The following AFF1 variants were observed in gnomAD, a reference collection of about 807,000 sequenced individuals.
AFF1 encodes AF4/FMR2 family member 1.
Under a neutral mutation model 121.7 loss-of-function variants are expected in AFF1, and 48 were observed. That is an observed-to-expected ratio of 0.39 (90% confidence interval 0.31 to 0.50). The LOEUF (loss-of-function observed/expected upper bound fraction) is 0.50. AFF1 is among the 20% of genes least tolerant of loss of function. The pLI is 0.76. For missense variants in AFF1, 1,523 were observed against 1,511.7 expected (o/e 1.01, Z -0.12); for synonymous variants, 613 against 563.0 (o/e 1.09, Z -1.26).
intron 2 of AFF1, among the ~76,000 whole-genome samples, chr4:86,993,052 C>T (rs980522644): frequency 6.6e-6 from 1 of 152,096 alleles, no homozygotes; most frequent in Non-Finnish European, 1.5e-5. Flanking sequence ...TTTTAATCTT[C>T]CTGTTTTACA....
chr4:87,134,840 CAA>C (rs1285857088), intron 20 of AFF1, 146 bp downstream of exon 20: 9 of 801,538 alleles, frequency 1.1e-5, no homozygotes, highest in Non-Finnish European at 1.7e-5. Context: ...TATTCTGCCT[CAA>C]AACCTAGTTG....
Position 87,135,785 on chromosome 4 carries a change from A to C in AFF1, c.*84A>C. 1 of 1,457,890 alleles carries C rather than the reference A, an allele frequency of 6.9e-7. No homozygotes were observed. The highest frequency in any genetic ancestry group is 9.1e-7 in the Non-Finnish European group (1 of 1,098,528). 90.3% of individuals were successfully genotyped at this position (1,457,890 alleles called of 1,614,324 possible). On this transcript the variant is annotated 3_prime_UTR_variant, in exon 21 of 21. Coordinates refer to ENST00000395146, the MANE Select transcript of AFF1 (RefSeq NM_001166693.3). Reference sequence around the variant, plus strand: ...AAACAGTCCAGACATTTGTTTCATCAGGACACCAAACTCTAAAAAAGAAGC... The same window carrying C: ...AAACAGTCCAGACATTTGTTTCATCCGGACACCAAACTCTAAAAAAGAAGC...
At chr4:86,992,146 T>TGCA (rs1373193776) in intron 2 of AFF1, among the ~76,000 whole-genome samples, 1 of 152,138 alleles carries the variant, frequency 6.6e-6, no homozygotes, top group Non-Finnish European at 1.5e-5. Context: ...AGAGAGGCTG[T>TGCA]GCAGCATAGT....
chr4:87,021,523 C>G (rs1727897071), intron 2 of AFF1, among the ~76,000 whole-genome samples: 1 of 152,184 alleles, frequency 6.6e-6, no homozygotes, highest in Non-Finnish European at 1.5e-5. Flanking sequence ...TTCACAGTAT[C>G]ATTGTTTCTG....
chr4:87,134,706 G>C lies in AFF1; in HGVS notation c.3535+12G>C, dbSNP rs1729154180. 1.3e-6 allele frequency: 2 copies of C among 1,599,356 alleles called. No individual in the cohort carries two copies. The highest frequency in any genetic ancestry group is 1.7e-6 in the Non-Finnish European group (2 of 1,168,354). Reference sequence around the variant, plus strand: ...GAGGAAGAATAAAGGTAAATAAATGGCTTTGTGGTGGTAATTACTGGGGTG... The same window carrying C: ...GAGGAAGAATAAAGGTAAATAAATGCCTTTGTGGTGGTAATTACTGGGGTG... On this transcript the variant is annotated intron_variant, in intron 20 of 20. Transcript: ENST00000395146.
At chr4:86,989,853 A>G (rs977281522) in intron 2 of AFF1, among the ~76,000 whole-genome samples, 21 of 152,226 alleles carry the variant, frequency 1.4e-4, no homozygotes, top group African/African-American at 4.8e-4. Context: ...GACATAAAAA[A>G]GGATCAGTTC....
At chr4:86,946,681 G>T (rs1304388950) in intron 1 of AFF1, among the ~76,000 whole-genome samples, 4 of 151,956 alleles carry the variant, frequency 2.6e-5, no homozygotes, top group Non-Finnish European at 2.9e-5. Context: ...TGCACACCCG[G>T]CCCACTCTCT....
At position 87,115,122 on chromosome 4, in the gene AFF1, T is replaced by C; in HGVS notation, c.2289T>C (p.Pro763=). ...TGCTCTCACCGCTCAGGGACACTCC[T>C]CCCCCACAAAGCTTGATGGTGAAGA... ...TKLLSPLRDT[P]PPQSLMVKIT... Residue 763 remains proline, a synonymous_variant, in exon 12 of 21, where the codon CCT becomes CCC. Transcript: ENST00000395146. The C allele has an allele frequency of 6.2e-7, 1 of 1,613,670 alleles. No homozygotes were observed. The highest frequency in any genetic ancestry group is 8.5e-7 in the Non-Finnish European group (1 of 1,179,908).
In AFF1 at chr4:87,139,769, C is replaced by G. The variant is rs1013529165; in HGVS notation, c.*4068C>G. ...AGAATAGCATCGTGTTGGGGGTTTT[C>G]CTTCAAACACTGCAAGTGATATTGC... is the stretch of plus-strand genomic sequence containing the variant. On this transcript the variant is annotated 3_prime_UTR_variant, in exon 21 of 21. Transcript: ENST00000395146. 22 of 225,728 alleles carry G rather than the reference C, an allele frequency of 9.7e-5. No homozygotes were observed. Among genetic ancestry groups the G allele is most frequent in the African/African-American group, 4.9e-4 (22 of 44,676 alleles). 14.0% of individuals were successfully genotyped at this position (225,728 alleles called of 1,614,324 possible).
chr4:86,955,637 G>A (rs1329559495), intron 2 of AFF1, among the ~76,000 whole-genome samples: 3 of 152,160 alleles, frequency 2.0e-5, no homozygotes, highest in African/African-American at 7.2e-5. Context: ...TTTTTTACTT[G>A]AGGACAGGGG....
At chr4:87,073,676 T>TC (rs1722362904) in intron 4 of AFF1, among the ~76,000 whole-genome samples, 2 of 152,232 alleles carry the variant, frequency 1.3e-5, no homozygotes, top group South Asian at 4.1e-4. Flanking sequence ...GCAGTTTCTT[T>TC]CGGCCTCATC....
At chr4:86,991,740 C>CCACAGAGA in intron 2 of AFF1, among the ~76,000 whole-genome samples, 1 of 151,728 alleles carries the variant, frequency 6.6e-6, no homozygotes, top group East Asian at 1.9e-4. Context: ...TTGCTAATCA[C>CCACAGAGA]CACAGAGACT....
chr4:87,038,065 C>T (rs1022053690), intron 2 of AFF1, among the ~76,000 whole-genome samples: 1 of 152,150 alleles, frequency 6.6e-6, no homozygotes, highest in African/African-American at 2.4e-5. Context: ...TTGAGATAAT[C>T]CCCTGGGGGC....
In AFF1 at chr4:87,134,514, G is replaced by C; in HGVS notation, c.3355G>C (p.Ala1119Pro). ...PSPLSPMPSP[A>P]SSVGSQSSAG... is the part of the protein sequence containing the mutation. Reference sequence around the variant, plus strand: ...CCCTCTTTCCCCAATGCCTTCTCCTGCCAGCTCCGTAGGGTCCCAGTCAAG... The same window carrying C: ...CCCTCTTTCCCCAATGCCTTCTCCTCCCAGCTCCGTAGGGTCCCAGTCAAG... Residue 1119 changes from alanine (A) to proline (P), a missense_variant, in exon 20 of 21, where the codon GCC becomes CCC. Coordinates refer to ENST00000395146, the MANE Select transcript of AFF1 (RefSeq NM_001166693.3). 6.2e-7 allele frequency: 1 copy of C among 1,612,314 alleles called. No individual in the cohort carries two copies. The highest frequency in any genetic ancestry group is 8.5e-7 in the Non-Finnish European group (1 of 1,179,284).
At position 87,125,088 on chromosome 4, in the gene AFF1, A is replaced by G. The variant is rs1728097465; in HGVS notation, c.2518A>G (p.Ile840Val). Residue 840 changes from isoleucine to valine, a missense_variant, in exon 13 of 21, where the codon ATC (isoleucine) becomes GTC (valine). Ile to Val is a conservative substitution (Grantham distance 29, BLOSUM62 3). Transcript: ENST00000395146. Reference protein sequence around the residue: ...DNKKIRLEKEIKSQSSSSSSS... With the variant: ...DNKKIRLEKEVKSQSSSSSSS... ...CAAGAAAATCAGACTGGAGAAGGAA[A>G]TCAAATCACAGTCATCTTCATCTTC... The G allele has an allele frequency of 1.2e-6, 2 of 1,610,642 alleles. No homozygotes were observed. Among genetic ancestry groups the G allele is most frequent in the African/African-American group, 2.7e-5 (2 of 74,874 alleles).
Position 87,127,172 on chromosome 4 carries a change from C to A in AFF1, c.2903+55C>A, listed in dbSNP as rs544044934. 46 of 1,296,956 alleles carry A rather than the reference C, an allele frequency of 3.5e-5. 2 individuals carry two copies. The highest frequency in any genetic ancestry group is 5.6e-5 in the Admixed American group (3 of 53,696). 80.3% of individuals were successfully genotyped at this position (1,296,956 alleles called of 1,614,324 possible). The stretch of plus-strand genomic sequence containing the variant: ...TGTTTTGTTTTGTTTTGCTTCCCCC[C>A]CCCACCAAGATAGAGTCTCACTCTG... On this transcript the variant is annotated intron_variant, in intron 15 of 20. Coordinates refer to ENST00000395146, the MANE Select transcript of AFF1 (RefSeq NM_001166693.3).
intron 2 of AFF1, among the ~76,000 whole-genome samples, chr4:87,021,968 C>T (rs796904378): frequency 1.7e-4 from 26 of 152,198 alleles, no homozygotes; most frequent in African/African-American, 5.5e-4. Context: ...TTTGGGAGGC[C>T]GAGGCCAGCG....
chr4:86,963,166 C>CAAAAAA (rs11341612), intron 2 of AFF1, among the ~76,000 whole-genome samples: 21 of 63,284 alleles, frequency 3.3e-4, no homozygotes, highest in East Asian at 1.0e-3. Context: ...ACTCCCATCT[C>CAAAAAA]AAAAAAAAAA....
At chr4:87,039,640 C>T (rs555978989) in intron 2 of AFF1, among the ~76,000 whole-genome samples, 1 of 152,258 alleles carries the variant, frequency 6.6e-6, no homozygotes, top group Admixed American at 6.5e-5. Flanking sequence ...AACTAAAATA[C>T]AAATGTGGAG....
Sources: allele counts gnomAD v4.1 joint callset (sites outside exome capture counted in the v4.1 genomes callset), GRCh38; gene constraint gnomAD v4.1.1; transcripts MANE v1.5; gene names NCBI Gene and HGNC (gene_info 2026-07-23, HGNC 2026-07-21).